The following WNT7A variants were observed in gnomAD, a reference collection of about 807,000 sequenced individuals.
The protein encoded by WNT7A is protein Wnt-7a.
In WNT7A, 16 loss-of-function variants were observed where a neutral mutation model predicts 28.2. The ratio of observed to expected loss-of-function variants is 0.57; its 90% confidence interval spans 0.38 to 0.86. The LOEUF (loss-of-function observed/expected upper bound fraction) is 0.86, where lower values mean the gene tolerates loss of function less well. WNT7A is among the 40% of genes least tolerant of loss of function. The probability of loss-of-function intolerance (pLI) is 0.00; values close to 1 mark genes in which losing one functional copy is unlikely to be tolerated. For synonymous variants in WNT7A, 190 were observed against 195.9 expected (o/e 0.97, Z 0.25); for missense variants, 411 against 489.7 (o/e 0.84, Z 1.52).
At chr3:13,837,906 C>T (rs2124842464) in intron 3 of WNT7A, among the ~76,000 whole-genome samples, 1 of 152,330 alleles carries the variant, frequency 6.6e-6, no homozygotes, top group South Asian at 2.1e-4. Flanking sequence ...CTCTCCCGAC[C>T]TGTGTTGGCG....
At chr3:13,847,437 C>T (rs1232908800) in intron 3 of WNT7A, among the ~76,000 whole-genome samples, 29 of 152,130 alleles carry the variant, frequency 1.9e-4, no homozygotes, top group Admixed American at 1.8e-3. Context: ...GTGGCTTTGG[C>T]GGGGCCCCTC....
chr3:13,861,219 C>G lies in WNT7A; in HGVS notation c.299-6416G>C, dbSNP rs77707173. Among the ~76,000 whole-genome samples the G allele has an allele frequency of 1.3e-3, 192 of 152,342 alleles. 1 individual carries two copies. In the East Asian group the frequency reaches 0.032, roughly 26 times the overall value. ...GAACCCTGGGCTTGGCCACCATGGCCTGTGTGCCCTCCAGGATCAGATCCT... is the reference window on the plus strand; with the variant it reads ...GAACCCTGGGCTTGGCCACCATGGCGTGTGTGCCCTCCAGGATCAGATCCT... On this transcript the variant is annotated intron_variant, in intron 2 of 3. Coordinates refer to ENST00000285018, the MANE Select transcript of WNT7A (RefSeq NM_004625.4).
intron 2 of WNT7A, among the ~76,000 whole-genome samples, chr3:13,861,697 G>T (rs184846691): frequency 6.6e-6 from 1 of 152,166 alleles, no homozygotes; most frequent in African/African-American, 2.4e-5. Context: ...GGGCGGCACC[G>T]GAGGAGGTGA....
Position 13,817,429 on chromosome 3 carries a change from C to CGT in WNT7A, c.*1514_*1515insAC, listed in dbSNP as rs1694022570. ...AGTCCCTAAGAAGATACAGTACACA[C>CGT]ACACACACACACACACACACACACA... On this transcript the variant is annotated 3_prime_UTR_variant, in exon 4 of 4. Transcript: ENST00000285018. 1 of 10,800 alleles carries CGT rather than the reference C, an allele frequency of 9.3e-5. No individual in the cohort carries two copies. The highest frequency in any genetic ancestry group is 2.0e-3 in the African/African-American group (1 of 500). The allele number at this position is 10,800 out of a possible 1,614,324, so 0.7% of individuals were successfully genotyped here.
chr3:13,820,672 A>G (rs899733746), intron 3 of WNT7A, among the ~76,000 whole-genome samples: 1 of 152,196 alleles, frequency 6.6e-6, no homozygotes, highest in African/African-American at 2.4e-5. Flanking sequence ...GGCCCGTTCA[A>G]GATGCTGGGG....
At chr3:13,857,853 A>G (rs577947887) in intron 2 of WNT7A, among the ~76,000 whole-genome samples, 34 of 152,152 alleles carry the variant, frequency 2.2e-4, no homozygotes, top group Non-Finnish European at 4.1e-4. Context: ...GAGTCACCTA[A>G]CCTCTCTGTG....
At chr3:13,859,114 T>C (rs995347276) in intron 2 of WNT7A, among the ~76,000 whole-genome samples, 3 of 152,220 alleles carry the variant, frequency 2.0e-5, no homozygotes, top group Non-Finnish European at 4.4e-5. Context: ...GTTGTAGTTT[T>C]GTTGTTGTTA....
chr3:13,846,075 G>A (rs1490152450), intron 3 of WNT7A, among the ~76,000 whole-genome samples: 1 of 152,190 alleles, frequency 6.6e-6, no homozygotes, highest in Non-Finnish European at 1.5e-5. Flanking sequence ...ACTCACAACC[G>A]GGTTCCTCCC....
At chr3:13,856,963 A>AGAAGG (rs1694752986) in intron 2 of WNT7A, among the ~76,000 whole-genome samples, 1 of 115,294 alleles carries the variant, frequency 8.7e-6, no homozygotes, top group Non-Finnish European at 1.7e-5. Flanking sequence ...GAAGAAGAAG[A>AGAAGG]AGAAGGAGAA....
At chr3:13,825,757 C>A (rs1694183886) in intron 3 of WNT7A, among the ~76,000 whole-genome samples, 1 of 152,222 alleles carries the variant, frequency 6.6e-6, no homozygotes, top group African/African-American at 2.4e-5. Context: ...GGCAGTCCAA[C>A]ATAATGGGCA....
At chr3:13,831,377 T>A (rs1215573741) in intron 3 of WNT7A, among the ~76,000 whole-genome samples, 1 of 152,178 alleles carries the variant, frequency 6.6e-6, no homozygotes, top group Admixed American at 6.5e-5. Context: ...GGGGTGGCAG[T>A]GCGGACCACA....
intron 3 of WNT7A, among the ~76,000 whole-genome samples, chr3:13,853,599 A>T (rs1205895667): frequency 6.6e-6 from 1 of 152,116 alleles, no homozygotes; most frequent in Non-Finnish European, 1.5e-5. Flanking sequence ...CAGGAAGCCC[A>T]CTGAGATTGG....
At chr3:13,865,358 G>C (rs909220473) in intron 2 of WNT7A, among the ~76,000 whole-genome samples, 1 of 152,132 alleles carries the variant, frequency 6.6e-6, no homozygotes, top group Non-Finnish European at 1.5e-5. Flanking sequence ...GCCTGGGAAC[G>C]GGCACAGCTC....
chr3:13,855,954 G>T (rs1382547553), intron 2 of WNT7A, among the ~76,000 whole-genome samples: 4 of 152,180 alleles, frequency 2.6e-5, no homozygotes, highest in Non-Finnish European at 2.9e-5. Flanking sequence ...CCAGCCTCAG[G>T]TCACTCTGTC....
Position 13,817,461 on chromosome 3 carries a change from CA to C in WNT7A, c.*1482del, listed in dbSNP as rs1694024184. On this transcript the variant is annotated 3_prime_UTR_variant, in exon 4 of 4. Transcript: ENST00000285018. The stretch of plus-strand genomic sequence containing the variant: ...ACACACACACACACACACACACACA[CA>C]CACACACACCGGAAATGCAAACGGA... The C allele has an allele frequency of 1.6e-5, 2 of 125,316 alleles. No individual in the cohort carries two copies. Among genetic ancestry groups the C allele is most frequent in the Non-Finnish European group, 3.2e-5 (2 of 61,694 alleles). The allele number at this position is 125,316 out of a possible 1,614,324, so 7.8% of individuals were successfully genotyped here.
At chr3:13,862,399 G>A (rs369048433) in intron 2 of WNT7A, among the ~76,000 whole-genome samples, 1 of 152,174 alleles carries the variant, frequency 6.6e-6, no homozygotes, top group South Asian at 2.1e-4. Context: ...GTGTATTTAC[G>A]GTATCTTACT....
At chr3:13,846,232 C>G (rs934450) in intron 3 of WNT7A, among the ~76,000 whole-genome samples, 1 of 152,070 alleles carries the variant, frequency 6.6e-6, no homozygotes, top group African/African-American at 2.4e-5. Context: ...TTCTAGGGGC[C>G]GAGGACTGTA....
chr3:13,839,838 C>A (rs937519365), intron 3 of WNT7A, among the ~76,000 whole-genome samples: 1 of 152,178 alleles, frequency 6.6e-6, no homozygotes, highest in Admixed American at 6.5e-5. Flanking sequence ...AGTTGTAAAC[C>A]ATTGAGAGCG....
intron 3 of WNT7A, among the ~76,000 whole-genome samples, chr3:13,841,688 T>G (rs1443620884): frequency 6.6e-6 from 1 of 152,194 alleles, no homozygotes; most frequent in Non-Finnish European, 1.5e-5. Flanking sequence ...GAGGGAAGCT[T>G]CTGTCTGGGC....
Sources: gnomAD v4.1 joint callset for allele counts (sites outside exome capture counted in the v4.1 genomes callset) on GRCh38, gnomAD v4.1.1 for gene constraint, MANE v1.5 for transcripts, NCBI Gene and HGNC (gene_info 2026-07-23, HGNC 2026-07-21) for gene names.